COL5A2: variants seen among roughly 807,000 people sequenced by gnomAD.
The protein encoded by COL5A2 is collagen type V alpha 2 chain.
A neutral mutation model predicts 208.2 loss-of-function variants in COL5A2; 23 were observed. The ratio of observed to expected loss-of-function variants is 0.11; its 90% CI spans 0.08 to 0.16. COL5A2 has a LOEUF of 0.16. Among genes scored for constraint, COL5A2 ranks in the 10% least tolerant of loss-of-function variants. The pLI is 1.00. For missense variants in COL5A2, 1,590 were observed against 1,956.4 expected (o/e 0.81, Z 3.53); for synonymous variants, 625 against 628.5 (o/e 0.99, Z 0.08).
At chr2:189,153,329 T>C (rs1688181965) in intron 1 of COL5A2, among the ~76,000 whole-genome samples, 1 of 152,194 alleles carries the variant, frequency 6.6e-6, no homozygotes, top group Admixed American at 6.5e-5. Context: ...ACAACAGCTA[T>C]TTGGTAATAA....
chr2:189,041,510 G>T (rs757113442), intron 50 of COL5A2, 76 bp downstream of exon 50: 4 of 1,176,110 alleles, frequency 3.4e-6, no homozygotes, highest in Non-Finnish European at 5.1e-6. Context: ...CAATCGGGCT[G>T]CACAGACATT....
the COL5A2 span, among the ~76,000 whole-genome samples, chr2:189,412,242 C>T: frequency 5.9e-5 from 9 of 152,078 alleles, no homozygotes; most frequent in South Asian, 2.1e-4. Flanking sequence ...ATCATCCTAA[C>T]GTTCGTGAAA....
chr2:189,155,286 C>T (rs1688223104), intron 1 of COL5A2, among the ~76,000 whole-genome samples: 1 of 152,134 alleles, frequency 6.6e-6, no homozygotes, highest in Non-Finnish European at 1.5e-5. Flanking sequence ...TTGCACTAGG[C>T]CTTTGGGAGA....
intron 1 of COL5A2, among the ~76,000 whole-genome samples, chr2:189,164,439 T>C (rs1246906334): frequency 6.6e-6 from 1 of 152,068 alleles, no homozygotes; most frequent in Non-Finnish European, 1.5e-5. Context: ...TTCTGGGGCT[T>C]TGGGAGATGT....
chr2:189,053,168 C>T, intron 38 of COL5A2, 150 bp from the exon 39 acceptor site: 1 of 759,668 alleles, frequency 1.3e-6, no homozygotes. Flanking sequence ...AAAAAGTACT[C>T]TGATGAGATC....
chr2:189,248,602 T>A, the COL5A2 span, among the ~76,000 whole-genome samples: 9 of 152,286 alleles, frequency 5.9e-5, no homozygotes, highest in East Asian at 1.7e-3. Flanking sequence ...ATAGATACAA[T>A]ATATTGAAGA....
chr2:189,214,152 T>C (rs1689250672), intron 1 of COL5A2, among the ~76,000 whole-genome samples: 1 of 152,076 alleles, frequency 6.6e-6, no homozygotes, highest in Non-Finnish European at 1.5e-5. Flanking sequence ...CTTAAAAATA[T>C]AGATAAGCTT....
At chr2:189,165,724 C>G (rs1688450612) in intron 1 of COL5A2, among the ~76,000 whole-genome samples, 1 of 152,176 alleles carries the variant, frequency 6.6e-6, no homozygotes. Flanking sequence ...AAAGACCCTT[C>G]TTTTGTTAAC....
chr2:189,413,457 AC>A, the COL5A2 span, among the ~76,000 whole-genome samples: 27 of 152,208 alleles, frequency 1.8e-4, no homozygotes, highest in Non-Finnish European at 1.5e-5. Flanking sequence ...AAAAAGGATG[AC>A]GACTGGGCCC....
intron 51 of COL5A2, among the ~76,000 whole-genome samples, chr2:189,037,403 T>C (rs892801014): frequency 1.3e-5 from 2 of 152,222 alleles, no homozygotes; most frequent in Non-Finnish European, 2.9e-5. Context: ...TGTGTATACA[T>C]ATATTTGTGT....
the COL5A2 span, among the ~76,000 whole-genome samples, chr2:189,245,957 G>A: frequency 3.9e-5 from 6 of 152,176 alleles, no homozygotes; most frequent in South Asian, 4.1e-4. Context: ...TGGAAGCCAC[G>A]AAAGCACTCA....
chr2:189,331,889 G>T, the COL5A2 span, among the ~76,000 whole-genome samples: 1 of 151,132 alleles, frequency 6.6e-6, no homozygotes, highest in Non-Finnish European at 1.5e-5. Context: ...GGAGGAGGTT[G>T]CAGTGAGCGG....
At chr2:189,348,070 C>T in the COL5A2 span, among the ~76,000 whole-genome samples, 5,531 of 152,026 alleles carry the variant, frequency 0.036, 117 homozygotes, top group Admixed American at 0.05. Context: ...AGTCCAACAA[C>T]CAAAGGAGGG....
intron 23 of COL5A2, among the ~76,000 whole-genome samples, chr2:189,065,649 A>C (rs1241857939): frequency 6.6e-6 from 1 of 152,234 alleles, no homozygotes; most frequent in Non-Finnish European, 1.5e-5. Flanking sequence ...TATAGCAATT[A>C]AAATGTCAAC....
chr2:189,129,148 T>C (rs1024393982), intron 1 of COL5A2, among the ~76,000 whole-genome samples: 1 of 135,226 alleles, frequency 7.4e-6, no homozygotes, highest in African/African-American at 2.7e-5. Flanking sequence ...AAACCAAAAA[T>C]AAAAAAAAAA....
At position 189,068,862 on chromosome 2, in the gene COL5A2, G is replaced by A. The variant is rs370121305; in HGVS notation, c.1181C>T (p.Ala394Val). Residue 394 changes from alanine (A) to valine (V), a missense_variant, in exon 19 of 54, where the codon GCG (alanine) becomes GTG (valine). Transcript: ENST00000374866. Reference sequence around the variant, plus strand: ...CCCCTGAGGACCTTCAGGGCCTCGCGCCCCTGTAGGACCTGCTTCTCCCTA... The same window carrying A: ...CCCCTGAGGACCTTCAGGGCCTCGCACCCCTGTAGGACCTGCTTCTCCCTA... ...GMKGEAGPTG[A>V]RGPEGPQGQR... 20 of 1,612,774 alleles carry A rather than the reference G, an allele frequency of 1.2e-5. No individual in the cohort carries two copies. Among genetic ancestry groups the A allele is most frequent in the East Asian group, 6.7e-5 (3 of 44,874 alleles).
the COL5A2 span, among the ~76,000 whole-genome samples, chr2:189,357,758 G>A: frequency 1.4e-5 from 1 of 70,076 alleles, no homozygotes; most frequent in African/African-American, 4.3e-5. Context: ...GTGCCACTCG[G>A]GTATGAAAAA....
intron 47 of COL5A2, among the ~76,000 whole-genome samples, chr2:189,044,465 C>G (rs1254553695): frequency 6.6e-6 from 1 of 152,094 alleles, no homozygotes; most frequent in African/African-American, 2.4e-5. Context: ...GAATTATTAA[C>G]TACAATGTAT....
At chr2:189,099,663 C>T (rs58289599) in intron 4 of COL5A2, among the ~76,000 whole-genome samples, 20,215 of 151,940 alleles carry the variant, frequency 0.13, 1,347 homozygotes, top group Middle Eastern at 0.19. Context: ...CCTGACAGAA[C>T]GACAGTTGAA....
Sources: allele counts gnomAD v4.1 joint callset (sites outside exome capture counted in the v4.1 genomes callset), GRCh38; gene constraint gnomAD v4.1.1; transcripts MANE v1.5; gene names NCBI Gene and HGNC (gene_info 2026-07-23, HGNC 2026-07-21).